Variants in SPRR2G observed in about 807,000 individuals in gnomAD.
The protein encoded by SPRR2G is small proline rich protein 2G, also known as small proline-rich protein 2G.
In SPRR2G, 1 loss-of-function variant was observed where a neutral mutation model predicts 0.7. That is an observed-to-expected ratio of 1.49 (90% CI 0.53 to 7.06). The LOEUF (loss-of-function observed/expected upper bound fraction) is 7.06. Among genes scored for constraint, SPRR2G ranks in the 30% most tolerant of loss-of-function variants. The pLI is 0.14. For synonymous variants in SPRR2G, 38 were observed against 33.9 expected (o/e 1.12, Z -0.42); for missense variants, 96 against 88.5 (o/e 1.09, Z -0.34).
chr1:153,156,460 A>C, the SPRR2G span, among the ~76,000 whole-genome samples: 1 of 152,238 alleles, frequency 6.6e-6, no homozygotes, highest in Non-Finnish European at 1.5e-5. Context: ...GGAATTGTCT[A>C]AAGAATTTTA....
At chr1:153,187,014 T>C in the SPRR2G span, among the ~76,000 whole-genome samples, 21 of 152,216 alleles carry the variant, frequency 1.4e-4, no homozygotes, top group Admixed American at 2.6e-4. Flanking sequence ...TTTAGGAATG[T>C]TGAATATTGG....
the SPRR2G span, among the ~76,000 whole-genome samples, chr1:153,196,465 A>G: frequency 1.9e-4 from 29 of 152,306 alleles, no homozygotes; most frequent in Non-Finnish European, 4.0e-4. Flanking sequence ...CTGTTGATGG[A>G]CATTTAGGTT....
At chr1:153,158,074 A>G in the SPRR2G span, among the ~76,000 whole-genome samples, 594 of 152,242 alleles carry the variant, frequency 3.9e-3, 9 homozygotes, top group African/African-American at 0.013. Flanking sequence ...AAGCCATATT[A>G]TTCTGCTCCT....
chr1:153,202,588 G>A, the SPRR2G span, among the ~76,000 whole-genome samples: 2 of 152,122 alleles, frequency 1.3e-5, no homozygotes, highest in Non-Finnish European at 2.9e-5. Flanking sequence ...GTCTAATGAG[G>A]TCTTTCTCAT....
chr1:153,182,209 A>G, the SPRR2G span, among the ~76,000 whole-genome samples: 1 of 152,126 alleles, frequency 6.6e-6, no homozygotes, highest in East Asian at 1.9e-4. Context: ...CCATTTGTAT[A>G]TCTTCTTTTT....
chr1:153,184,177 G>C, the SPRR2G span, among the ~76,000 whole-genome samples: 1 of 152,144 alleles, frequency 6.6e-6, no homozygotes, highest in East Asian at 1.9e-4. Flanking sequence ...TATTCTTTTT[G>C]CTTAGGATTG....
chr1:153,178,439 T>G, the SPRR2G span, among the ~76,000 whole-genome samples: 1 of 152,278 alleles, frequency 6.6e-6, no homozygotes, highest in Non-Finnish European at 1.5e-5. Context: ...TAATATAATG[T>G]TAGCCAAGGC....
chr1:153,178,073 A>C, the SPRR2G span, among the ~76,000 whole-genome samples: 5 of 152,154 alleles, frequency 3.3e-5, no homozygotes, highest in African/African-American at 1.2e-4. Flanking sequence ...ATATATTACT[A>C]ACATTTTATC....
chr1:153,182,763 T>G, the SPRR2G span, among the ~76,000 whole-genome samples: 795 of 152,338 alleles, frequency 5.2e-3, 4 homozygotes, highest in African/African-American at 7.4e-3. Flanking sequence ...GGTGTATATG[T>G]GCCACATTTT....
the SPRR2G span, among the ~76,000 whole-genome samples, chr1:153,160,752 A>G: frequency 6.6e-6 from 1 of 151,478 alleles, no homozygotes; most frequent in Non-Finnish European, 1.5e-5. Flanking sequence ...TATATACCCA[A>G]AGGATTATAA....
At chr1:153,177,778 C>T in the SPRR2G span, among the ~76,000 whole-genome samples, 17 of 151,808 alleles carry the variant, frequency 1.1e-4, no homozygotes, top group Non-Finnish European at 2.1e-4. Context: ...AGTGTGAGAC[C>T]TACAACTTTG....
At chr1:153,151,112 T>C (rs1180106504), upstream of SPRR2G, among the ~76,000 whole-genome samples, 1 of 152,264 alleles carries the variant, frequency 6.6e-6, no homozygotes, top group African/African-American at 2.4e-5. Context: ...GTGGCAATTG[T>C]AGAACGTGAC....
At chr1:153,195,001 G>GT in the SPRR2G span, among the ~76,000 whole-genome samples, 3 of 152,168 alleles carry the variant, frequency 2.0e-5, no homozygotes, top group Admixed American at 6.5e-5. Context: ...TTTATCTCCT[G>GT]TTTTTTGCAG....
the SPRR2G span, among the ~76,000 whole-genome samples, chr1:153,193,945 C>T: frequency 6.6e-6 from 1 of 152,166 alleles, no homozygotes; most frequent in Non-Finnish European, 1.5e-5. Context: ...CACCATGCTC[C>T]AGCCCACAAG....
the SPRR2G span, among the ~76,000 whole-genome samples, chr1:153,193,670 G>A: frequency 6.6e-6 from 1 of 152,172 alleles, no homozygotes; most frequent in Non-Finnish European, 1.5e-5. Context: ...ACCCAGCCCA[G>A]GAATCCTTAT....
the SPRR2G span, among the ~76,000 whole-genome samples, chr1:153,168,904 A>ATGTGTG: frequency 0.014 from 2,023 of 147,956 alleles, 23 homozygotes; most frequent in Middle Eastern, 0.032. Flanking sequence ...TCATGAGTGT[A>ATGTGTG]TGTGTGTGTG....
At chr1:153,193,870 C>T in the SPRR2G span, among the ~76,000 whole-genome samples, 2 of 152,124 alleles carry the variant, frequency 1.3e-5, no homozygotes, top group Admixed American at 6.5e-5. Flanking sequence ...GGGCTTAGAG[C>T]AATCATACCT....
the SPRR2G span, chr1:153,191,489 T>G: frequency 6.6e-6 from 1 of 152,226 alleles, no homozygotes; most frequent in Admixed American, 6.5e-5. Flanking sequence ...TGATATTTCT[T>G]GTATTAAAAA....
the SPRR2G span, chr1:153,175,999 G>A: frequency 2.0e-5 from 3 of 152,240 alleles, no homozygotes; most frequent in African/African-American, 7.2e-5. Flanking sequence ...AGAGGCTGCA[G>A]TGAGCCGAGA....
Sources: gnomAD v4.1 joint callset for allele counts (sites outside exome capture counted in the v4.1 genomes callset) on GRCh38, gnomAD v4.1.1 for gene constraint, MANE v1.5 for transcripts, NCBI Gene and HGNC (gene_info 2026-07-23, HGNC 2026-07-21) for gene names.